Variants in BNC2 observed in about 807,000 individuals in gnomAD.
BNC2 encodes zinc finger protein basonuclin-2.
A neutral mutation model predicts 76.3 loss-of-function variants in BNC2; 20 were observed. The ratio of observed to expected loss-of-function variants is 0.26; its 90% CI spans 0.18 to 0.38. BNC2 has a LOEUF of 0.38. BNC2 is among the 10% of genes least tolerant of loss of function. The pLI, the probability that BNC2 is intolerant of heterozygous loss-of-function variation, is 1.00. For missense variants in BNC2, 1,382 were observed against 1,399.8 expected (o/e 0.99, Z 0.20); for synonymous variants, 582 against 514.8 (o/e 1.13, Z -1.77).
chr9:16,771,581 A>G (rs1825833608), intron 1 of BNC2, among the ~76,000 whole-genome samples: 1 of 152,224 alleles, frequency 6.6e-6, no homozygotes, highest in African/African-American at 2.4e-5. Context: ...GTCAGCAAAA[A>G]AGATAAGACG....
At chr9:16,700,371 A>T (rs1346478817) in intron 3 of BNC2, among the ~76,000 whole-genome samples, 1 of 152,120 alleles carries the variant, frequency 6.6e-6, no homozygotes, top group Non-Finnish European at 1.5e-5. Context: ...ACAAAAAATT[A>T]GCCAGGCTTG....
At chr9:16,555,486 G>T (rs1483009427) in intron 4 of BNC2, among the ~76,000 whole-genome samples, 1 of 152,128 alleles carries the variant, frequency 6.6e-6, no homozygotes, top group Non-Finnish European at 1.5e-5. Flanking sequence ...TTCTTCATAA[G>T]TGTACCATAT....
chr9:16,806,232 C>A (rs1817906799), intron 1 of BNC2, among the ~76,000 whole-genome samples: 1 of 152,118 alleles, frequency 6.6e-6, no homozygotes, highest in Non-Finnish European at 1.5e-5. Context: ...TCCCAGCGTT[C>A]TGGGAGGCAA....
At chr9:16,753,999 C>T (rs1825301063) in intron 1 of BNC2, among the ~76,000 whole-genome samples, 1 of 152,176 alleles carries the variant, frequency 6.6e-6, no homozygotes, top group Non-Finnish European at 1.5e-5. Flanking sequence ...GTCCATGGCT[C>T]CAGCCCAGAT....
intron 3 of BNC2, among the ~76,000 whole-genome samples, chr9:16,689,122 A>G (rs1433001613): frequency 7.0e-6 from 1 of 143,792 alleles, no homozygotes; most frequent in Non-Finnish European, 1.5e-5. Flanking sequence ...ACATAACCAC[A>G]CACACACACA....
chr9:16,722,034 A>T (rs1427747032), intron 3 of BNC2, among the ~76,000 whole-genome samples: 2 of 152,202 alleles, frequency 1.3e-5, no homozygotes, highest in East Asian at 3.8e-4. Flanking sequence ...ATGACGGCAG[A>T]TGCCCAATGC....
intron 3 of BNC2, among the ~76,000 whole-genome samples, chr9:16,660,563 T>C (rs779159493): frequency 6.6e-6 from 1 of 152,124 alleles, no homozygotes; most frequent in African/African-American, 2.4e-5. Flanking sequence ...TAGCACGGAC[T>C]ATAATTAGCC....
intron 1 of BNC2, among the ~76,000 whole-genome samples, chr9:16,825,589 G>A (rs1165256864): frequency 6.6e-6 from 1 of 152,048 alleles, no homozygotes; most frequent in African/African-American, 2.4e-5. Context: ...GTAAACCTTT[G>A]TGGTGTTCTC....
At chr9:16,482,372 T>C (rs1228822395) in intron 5 of BNC2, among the ~76,000 whole-genome samples, 6 of 152,052 alleles carry the variant, frequency 3.9e-5, no homozygotes, top group Admixed American at 3.9e-4. Context: ...GGCTATTATA[T>C]CCCATTGTGT....
rs185799835 is a variant in BNC2 at position 16,847,213 on chromosome 9, C to A, written c.3+23433G>T. Among the ~76,000 whole-genome samples the A allele has an allele frequency of 3.8e-3, 573 of 152,202 alleles. 2 individuals carry two copies. The highest frequency in any genetic ancestry group is 0.013 in the African/African-American group (551 of 41,526). ...TAGGACAGGCATACATGTTTCAACA[C>A]ACACGCAGCTCAAAACAAAGTTTTT... On this transcript the variant is annotated intron_variant, in intron 1 of 6. Coordinates refer to ENST00000380672, the MANE Select transcript of BNC2 (RefSeq NM_017637.6).
At chr9:16,528,900 T>C (rs976359549) in intron 5 of BNC2, among the ~76,000 whole-genome samples, 1 of 152,200 alleles carries the variant, frequency 6.6e-6, no homozygotes, top group African/African-American at 2.4e-5. Context: ...CGTAGTGGCT[T>C]ATAACAATGG....
At chr9:16,695,475 C>T (rs938144808) in intron 3 of BNC2, among the ~76,000 whole-genome samples, 5 of 151,754 alleles carry the variant, frequency 3.3e-5, no homozygotes, top group Non-Finnish European at 5.9e-5. Context: ...AAAATACCCA[C>T]GTGCCCTGCA....
intron 1 of BNC2, among the ~76,000 whole-genome samples, chr9:16,841,489 G>A (rs1276041596): frequency 1.3e-5 from 2 of 152,064 alleles, no homozygotes; most frequent in South Asian, 2.1e-4. Context: ...TAGATATCCT[G>A]GCTAAACTGT....
rs772675068 is a variant in BNC2, at chr9:16,437,137, G to A, written c.1057C>T (p.Arg353Trp). Reference protein sequence around the residue: ...LLLEQPGLRLREPSLSTQNEY... With the variant: ...LLLEQPGLRLWEPSLSTQNEY... ...TTCTGAGTTGAAAGGCTGGGTTCCC[G>A]CAGCCTCAACCCTGGTTGCTCTAAC... The change falls in exon 6 of 7, where the codon CGG becomes TGG. Residue 353 changes from arginine to tryptophan, a missense_variant. Arg to Trp is a moderately radical substitution (Grantham distance 101). Around this residue, in one of 3 missense-constraint regions of BNC2, gnomAD observed 557 missense variants for 540.9 expected, o/e 1.03. Transcript: ENST00000380672. 5.6e-6 allele frequency: 9 copies of A among 1,614,170 alleles called. No homozygotes were observed. The highest frequency in any genetic ancestry group is 2.2e-5 in the East Asian group (1 of 44,876).
chr9:16,641,601 T>C (rs991845047), intron 3 of BNC2, among the ~76,000 whole-genome samples: 2 of 152,212 alleles, frequency 1.3e-5, no homozygotes, highest in African/African-American at 4.8e-5. Context: ...AATAAAGTAT[T>C]CGGATGCAAA....
intron 4 of BNC2, among the ~76,000 whole-genome samples, chr9:16,567,666 C>T (rs745815262): frequency 6.6e-6 from 1 of 152,048 alleles, no homozygotes; most frequent in Non-Finnish European, 1.5e-5. Context: ...ACAAAATTGG[C>T]TCTCAGTGAT....
chr9:16,523,475 CA>C (rs1235558983), intron 5 of BNC2, among the ~76,000 whole-genome samples: 42 of 91,628 alleles, frequency 4.6e-4, no homozygotes, highest in African/African-American at 6.2e-4. Flanking sequence ...CGTCTCAAAA[CA>C]AAAAAAAAAA....
At chr9:16,756,641 C>T (rs1825390691) in intron 1 of BNC2, among the ~76,000 whole-genome samples, 1 of 152,146 alleles carries the variant, frequency 6.6e-6, no homozygotes, top group African/African-American at 2.4e-5. Context: ...TGCTTTAAAG[C>T]TTTTTTCTTT....
chr9:16,471,095 T>A (rs1821814453), intron 5 of BNC2, among the ~76,000 whole-genome samples: 1 of 152,168 alleles, frequency 6.6e-6, no homozygotes, highest in African/African-American at 2.4e-5. Context: ...ACCTCTTACA[T>A]CAGCGTGATG....
Sources: gnomAD v4.1 joint callset for allele counts (sites outside exome capture counted in the v4.1 genomes callset) on GRCh38, gnomAD v4.1.1 for gene constraint, gnomAD v4.1.1 regional missense constraint, MANE v1.5 for transcripts, NCBI Gene and HGNC (gene_info 2026-07-23, HGNC 2026-07-21) for gene names.